The following WNK3 variants were observed in gnomAD, a reference collection of about 807,000 sequenced individuals.
WNK3 encodes WNK lysine deficient protein kinase 3, also known as serine/threonine-protein kinase WNK3.
Under a neutral mutation model 116.7 loss-of-function variants are expected in WNK3, and 18 were observed. That is an observed-to-expected ratio of 0.15 (90% CI 0.11 to 0.23). The LOEUF (loss-of-function observed/expected upper bound fraction) is 0.23, where lower values mean the gene tolerates loss of function less well. Among genes scored for constraint, WNK3 ranks in the 10% least tolerant of loss-of-function variants. WNK3 has a pLI of 1.00. For missense variants in WNK3, 993 were observed against 1,323.8 expected, an observed-to-expected ratio of 0.75 and a Z score of 3.88; for synonymous variants, 404 against 469.4, an observed-to-expected ratio of 0.86 and a Z score of 1.80.
intron 11 of WNK3, 66 bp downstream of exon 11, chrX:54,259,208 C>T: frequency 1.4e-6 from 1 of 701,278 alleles, no homozygotes; most frequent in African/African-American, 2.1e-5. Flanking sequence ...GCACTAAGCA[C>T]CTAATGAGTA....
At chrX:54,201,918 T>C in intron 23 of WNK3, 73 bp downstream of exon 23, 2 of 908,331 alleles carry the variant, frequency 2.2e-6, no homozygotes, top group Non-Finnish European at 3.1e-6. Context: ...TGACTGTAAC[T>C]ATAGGCCTAA....
At chrX:54,353,603 CG>C (rs1439176045) in intron 1 of WNK3, among the ~76,000 whole-genome samples, 1 of 109,994 alleles carries the variant, frequency 9.1e-6, no homozygotes, top group Non-Finnish European at 1.9e-5. Context: ...AAAAATTAGC[CG>C]GGCGTAGTGG....
At chrX:54,337,819 G>C (rs1302520872) in intron 1 of WNK3, among the ~76,000 whole-genome samples, 3 of 110,507 alleles carry the variant, frequency 2.7e-5, no homozygotes, top group African/African-American at 9.8e-5. Flanking sequence ...ATAATCCCAG[G>C]AATTTGGGAG....
At chrX:54,261,705 A>G (rs1461953560) in intron 10 of WNK3, among the ~76,000 whole-genome samples, 1 of 111,965 alleles carries the variant, frequency 8.9e-6, no homozygotes, top group Non-Finnish European at 1.9e-5. Context: ...TACTGAAAAC[A>G]TCTTAAGTGT....
intron 5 of WNK3, among the ~76,000 whole-genome samples, chrX:54,302,490 G>A (rs965741265): frequency 1.9e-5 from 2 of 108,035 alleles, no homozygotes; most frequent in Non-Finnish European, 3.8e-5. Flanking sequence ...TAGTAGAGAC[G>A]GGGTTTCACC....
At chrX:54,230,311 T>A (rs2067886956) in intron 21 of WNK3, among the ~76,000 whole-genome samples, 1 of 111,207 alleles carries the variant, frequency 9.0e-6, no homozygotes, top group African/African-American at 3.3e-5. Context: ...CAATGAAAAT[T>A]TCAATTAAAA....
chrX:54,274,300 C>T (rs782281702), intron 10 of WNK3, among the ~76,000 whole-genome samples: 1 of 111,282 alleles, frequency 9.0e-6, no homozygotes, highest in Non-Finnish European at 1.9e-5. Flanking sequence ...ATACACACTC[C>T]CTCCCCTAAC....
chrX:54,261,260 T>TA (rs1201771600), intron 10 of WNK3, among the ~76,000 whole-genome samples: 7 of 108,719 alleles, frequency 6.4e-5, no homozygotes, highest in Non-Finnish European at 7.6e-5. Flanking sequence ...GACCCTGTCT[T>TA]AAAAAAAAGA....
exon 2 of WNK3, chrX:54,333,544 T>G (rs782264239): frequency 1.7e-6 from 2 of 1,211,417 alleles, no homozygotes; most frequent in Non-Finnish European, 2.2e-6. Context: ...GAGAAGGTAC[T>G]GTTTTTCTCC....
At chrX:54,269,667 A>T (rs1557158793) in intron 10 of WNK3, among the ~76,000 whole-genome samples, 1 of 111,384 alleles carries the variant, frequency 9.0e-6, no homozygotes, top group Admixed American at 9.6e-5. Context: ...AACCAATCCT[A>T]ATGTACATGG....
chrX:54,305,955 T>C (rs889826300), intron 5 of WNK3, among the ~76,000 whole-genome samples: 15 of 110,450 alleles, frequency 1.4e-4, no homozygotes, highest in Admixed American at 9.8e-5. Flanking sequence ...CTCGGGAGGC[T>C]GAGGCAGGAG....
chrX:54,255,952 C>T, intron 11 of WNK3, 65 bp from the exon 12 acceptor site: 1 of 939,008 alleles, frequency 1.1e-6, no homozygotes, highest in Admixed American at 3.0e-5. Flanking sequence ...GAAAAACTCC[C>T]AATTATAAAA....
chrX:54,331,278 AAAAT>A (rs1469479954), intron 2 of WNK3, among the ~76,000 whole-genome samples: 9 of 107,847 alleles, frequency 8.3e-5, no homozygotes, highest in African/African-American at 1.0e-4. Flanking sequence ...TACACTAACA[AAAAT>A]AAATAAATAA....
intron 17 of WNK3, among the ~76,000 whole-genome samples, chrX:54,242,524 C>CTT: frequency 8.9e-6 from 1 of 112,449 alleles, no homozygotes; most frequent in East Asian, 2.8e-4. Flanking sequence ...TCCAAATGTA[C>CTT]TATAAAACTA....
At chrX:54,295,087 CGG>C (rs1300070723) in intron 7 of WNK3, among the ~76,000 whole-genome samples, 8 of 108,296 alleles carry the variant, frequency 7.4e-5, no homozygotes, top group Non-Finnish European at 1.5e-4. Context: ...TTAGTAGGGA[CGG>C]GGTTTCACTG....
chrX:54,219,669 C>CAAAAAAAAA (rs34431672), intron 22 of WNK3, among the ~76,000 whole-genome samples: 1 of 15,191 alleles, frequency 6.6e-5, no homozygotes, highest in Non-Finnish European at 1.4e-4. Flanking sequence ...CTCCATCTCC[C>CAAAAAAAAA]AAAAAAAAAA....
chrX:54,224,570 CTTT>C (rs1317353377), intron 22 of WNK3, among the ~76,000 whole-genome samples: 3 of 103,300 alleles, frequency 2.9e-5, no homozygotes, highest in African/African-American at 1.1e-4. Context: ...TTGGAGACTT[CTTT>C]TTTTTTTTCT....
intron 22 of WNK3, among the ~76,000 whole-genome samples, chrX:54,206,223 A>C (rs1054491501): frequency 9.1e-6 from 1 of 110,041 alleles, no homozygotes; most frequent in African/African-American, 3.3e-5. Context: ...ACATAGGAGG[A>C]TCTCGTCTCA....
chrX:54,198,297 TC>T, exon 24 of WNK3: 1 of 1,090,294 alleles, frequency 9.2e-7, no homozygotes, highest in Non-Finnish European at 1.2e-6. Flanking sequence ...TGAAAAAACC[TC>T]CCTTTTTATC....
Sources: gnomAD v4.1 joint callset for allele counts (sites outside exome capture counted in the v4.1 genomes callset) on GRCh38, gnomAD v4.1.1 for gene constraint, MANE v1.5 for transcripts, NCBI Gene and HGNC (gene_info 2026-07-23, HGNC 2026-07-21) for gene names.